TG: variants seen among roughly 807,000 people sequenced by gnomAD.
TG encodes thyroid hormones.
TG carries 270 observed loss-of-function variants against 324.7 expected under a neutral mutation model. The ratio of observed to expected loss-of-function variants is 0.83; its 90% confidence interval spans 0.75 to 0.92. TG has a LOEUF of 0.92. TG is among the 40% of genes least tolerant of loss of function. The pLI is 0.00. For missense variants in TG, 3,591 were observed against 3,456.4 expected (o/e 1.04, Z -0.98); for synonymous variants, 1,401 against 1,327.0 (o/e 1.06, Z -1.21).
chr8:133,071,476 A>G (rs1037697962), intron 41 of TG, among the ~76,000 whole-genome samples: 2 of 152,140 alleles, frequency 1.3e-5, no homozygotes, highest in Non-Finnish European at 2.9e-5. Context: ...TTTGTGTGCT[A>G]GAGGGTTATG....
At chr8:133,005,486 C>T (rs554786525) in intron 35 of TG, among the ~76,000 whole-genome samples, 9 of 152,290 alleles carry the variant, frequency 5.9e-5, no homozygotes, top group East Asian at 1.9e-4. Context: ...GACCCAGAGA[C>T]GGTGAAGGTG....
At chr8:133,004,097 C>T (rs1833809988) in intron 35 of TG, among the ~76,000 whole-genome samples, 1 of 152,200 alleles carries the variant, frequency 6.6e-6, no homozygotes, top group Admixed American at 6.5e-5. Flanking sequence ...GCTGTATGAC[C>T]TCAATGAGTC....
chr8:132,962,985 T>A lies in TG; in HGVS notation c.5468-9T>A. 1 of 1,613,732 alleles carries A rather than the reference T, an allele frequency of 6.2e-7. No individual in the cohort carries two copies. The highest frequency in any genetic ancestry group is 8.5e-7 in the Non-Finnish European group (1 of 1,179,682). Reference sequence around the variant, plus strand: ...CCAACATTGCAACAACTCTTTTTTTTCCTCCTAGATTCTGACATGGGGTCT... The same window carrying A: ...CCAACATTGCAACAACTCTTTTTTTACCTCCTAGATTCTGACATGGGGTCT... On this transcript the variant is annotated splice_polypyrimidine_tract_variant and intron_variant, in intron 28 of 47. Transcript: ENST00000220616.
chr8:133,128,382 C>G (rs1013314551), intron 45 of TG, among the ~76,000 whole-genome samples: 41 of 149,274 alleles, frequency 2.7e-4, no homozygotes, highest in African/African-American at 9.7e-4. Context: ...CACACACACA[C>G]AGTCATCCGC....
intron 41 of TG, among the ~76,000 whole-genome samples, chr8:133,093,357 T>C (rs1847885489): frequency 1.3e-5 from 2 of 149,544 alleles, no homozygotes; most frequent in Admixed American, 6.6e-5. Context: ...AGGATTCTTC[T>C]CTCTCTTTTA....
At chr8:132,944,647 C>T (rs1824960684) in intron 26 of TG, among the ~76,000 whole-genome samples, 1 of 152,192 alleles carries the variant, frequency 6.6e-6, no homozygotes, top group African/African-American at 2.4e-5. Flanking sequence ...ATGACATAGA[C>T]ACTTGTGCTC....
At chr8:133,038,980 C>A (rs376939845) in intron 41 of TG, among the ~76,000 whole-genome samples, 2 of 152,156 alleles carry the variant, frequency 1.3e-5, no homozygotes, top group African/African-American at 4.8e-5. Context: ...CAGGCTCAAG[C>A]GATTCTCCCT....
At chr8:133,041,737 A>G (rs1838279432) in intron 41 of TG, among the ~76,000 whole-genome samples, 1 of 151,462 alleles carries the variant, frequency 6.6e-6, no homozygotes, top group South Asian at 2.1e-4. Context: ...GCACTGAGCT[A>G]GCCTCGTACC....
chr8:133,033,559 T>C (rs779634279), intron 41 of TG, among the ~76,000 whole-genome samples: 35 of 152,244 alleles, frequency 2.3e-4, no homozygotes, highest in Admixed American at 4.6e-4. Context: ...CTAAATTTTC[T>C]GGTCTTGATT....
At position 132,981,979 on chromosome 8, in the gene TG, G is replaced by A. The variant is rs567021630; in HGVS notation, c.6200-1371G>A. 7.0e-4 allele frequency among the ~76,000 whole-genome samples: 107 copies of A among 152,312 alleles called. 1 individual carries two copies. The highest frequency in any genetic ancestry group is 2.3e-3 in the African/African-American group (95 of 41,566). ...GCAAGGACTTTGGGACCAGAACACA[G>A]CATGACTCTGACCCATGGCTTTTCA... On this transcript the variant is annotated intron_variant, in intron 34 of 47. Transcript: ENST00000220616.
intron 35 of TG, 104 bp from the exon 36 acceptor site, chr8:133,011,797 G>A (rs1793843406): frequency 7.0e-7 from 1 of 1,435,784 alleles, no homozygotes. Context: ...ACCAAGAGGA[G>A]GATGCCCCTA....
intron 35 of TG, among the ~76,000 whole-genome samples, chr8:133,007,343 T>C (rs947513159): frequency 2.6e-5 from 4 of 151,980 alleles, no homozygotes; most frequent in African/African-American, 9.7e-5. Flanking sequence ...GTTTATGGAG[T>C]CCTTTTGTTT....
intron 11 of TG, among the ~76,000 whole-genome samples, chr8:132,895,503 C>T (rs1435157248): frequency 6.6e-6 from 1 of 152,242 alleles, no homozygotes; most frequent in Non-Finnish European, 1.5e-5. Flanking sequence ...GGCACTGTGT[C>T]TTATTCTTTC....
chr8:132,929,252 A>G, intron 23 of TG, 60 bp downstream of exon 23: 3 of 1,313,476 alleles, frequency 2.3e-6, no homozygotes, highest in South Asian at 1.2e-5. Context: ...CTCTGCTGAG[A>G]GTTGTCGAGA....
chr8:133,065,991 AG>A (rs924263329), intron 41 of TG, among the ~76,000 whole-genome samples: 6 of 152,080 alleles, frequency 3.9e-5, no homozygotes, highest in African/African-American at 1.4e-4. Flanking sequence ...GAGCGAGGCC[AG>A]TTGAGGCATG....
At chr8:133,055,523 T>C (rs1168145334) in intron 41 of TG, among the ~76,000 whole-genome samples, 2 of 152,100 alleles carry the variant, frequency 1.3e-5, no homozygotes, top group Non-Finnish European at 2.9e-5. Context: ...TAGTCATATG[T>C]AAAGGGCTGT....
intron 3 of TG, 55 bp downstream of exon 3, chr8:132,869,881 C>A: frequency 6.5e-7 from 1 of 1,527,612 alleles, no homozygotes; most frequent in Non-Finnish European, 9.0e-7. Flanking sequence ...CAACTCACTT[C>A]CAGGAATGAG....
intron 35 of TG, among the ~76,000 whole-genome samples, chr8:132,998,516 G>A (rs2130813076): frequency 6.6e-6 from 1 of 152,310 alleles, no homozygotes; most frequent in African/African-American, 2.4e-5. Context: ...CATTGGGTTA[G>A]TCCCATTGGG....
At chr8:133,094,962 C>T in intron 41 of TG, 82 bp from the exon 42 acceptor site, 2 of 1,594,418 alleles carry the variant, frequency 1.3e-6, no homozygotes, top group South Asian at 1.1e-5. Context: ...ATGCAGAACC[C>T]TGATGTGGCA....
Sources: gnomAD v4.1 joint callset for allele counts (sites outside exome capture counted in the v4.1 genomes callset) on GRCh38, gnomAD v4.1.1 for gene constraint, MANE v1.5 for transcripts, NCBI Gene and HGNC (gene_info 2026-07-23, HGNC 2026-07-21) for gene names.